Variants in ZNF532 observed in about 807,000 individuals in gnomAD.
The protein encoded by ZNF532 is zinc finger protein 532.
A neutral mutation model predicts 89.3 loss-of-function variants in ZNF532; 22 were observed. The observed-to-expected ratio is 0.25, with a 90% CI of 0.18 to 0.35. ZNF532 has a LOEUF of 0.35. Among genes scored for constraint, ZNF532 ranks in the 10% least tolerant of loss-of-function variants. The pLI is 1.00. For synonymous variants in ZNF532, 606 were observed against 649.6 expected, an observed-to-expected ratio of 0.93 and a Z score of 1.02; for missense variants, 1,132 against 1,643.4, an observed-to-expected ratio of 0.69 and a Z score of 5.38.
intron 8 of ZNF532, 130 bp from the exon 9 acceptor site, chr18:58,981,340 A>G: frequency 8.3e-7 from 1 of 1,210,006 alleles, no homozygotes; most frequent in Non-Finnish European, 1.2e-6. Context: ...GTGTTGAACC[A>G]TGGTGTGAAC....
chr18:58,888,902 TA>T (rs2058689322), intron 2 of ZNF532, among the ~76,000 whole-genome samples: 1 of 79,396 alleles, frequency 1.3e-5, no homozygotes, highest in Non-Finnish European at 2.4e-5. Flanking sequence ...TATATATATA[TA>T]TATATATATA....
chr18:58,983,569 C>G (rs538484527), intron 9 of ZNF532, among the ~76,000 whole-genome samples: 2 of 151,904 alleles, frequency 1.3e-5, no homozygotes, highest in African/African-American at 4.9e-5. Flanking sequence ...TGTCCCTGAC[C>G]GTACCACATC....
At chr18:58,917,192 A>G (rs1432324956) in intron 2 of ZNF532, among the ~76,000 whole-genome samples, 1 of 152,104 alleles carries the variant, frequency 6.6e-6, no homozygotes, top group Admixed American at 6.5e-5. Flanking sequence ...GAACAGATCC[A>G]AGAGATCCCC....
At chr18:58,894,054 G>A (rs1443990342) in intron 2 of ZNF532, among the ~76,000 whole-genome samples, 1 of 152,174 alleles carries the variant, frequency 6.6e-6, no homozygotes, top group African/African-American at 2.4e-5. Flanking sequence ...TTTCCGTGTT[G>A]GAGTAACTTT....
chr18:58,980,154 G>T (rs145244784), intron 8 of ZNF532: 1 of 152,220 alleles, frequency 6.6e-6, no homozygotes, highest in Non-Finnish European at 1.5e-5. Context: ...TGTCAGATTC[G>T]CAGGGGGTTA....
chr18:58,953,806 A>G lies in ZNF532; in HGVS notation c.3150+7A>G. 3 of 1,609,468 alleles carry G rather than the reference A, an allele frequency of 1.9e-6. No individual in the cohort carries two copies. Among genetic ancestry groups the G allele is most frequent in the Non-Finnish European group, 2.5e-6 (3 of 1,176,898 alleles). On this transcript the variant is annotated splice_region_variant and intron_variant, in intron 7 of 9. Coordinates refer to ENST00000591808, the MANE Select transcript of ZNF532 (RefSeq NM_001375912.1). ...GAGGAAGGAGCACGGGAAGGTCAGT[A>G]AAGAATGAAAGCTGCTCTGGGTGAG...
In ZNF532 at chr18:58,937,651, G is replaced by A. The variant is rs78044268; in HGVS notation, c.2529-1794G>A. 9.0e-3 allele frequency among the ~76,000 whole-genome samples: 1,374 copies of A among 152,158 alleles called. 23 individuals carry two copies. Among genetic ancestry groups the A allele is most frequent in the Non-Finnish European group, 0.011 (729 of 68,010 alleles). On this transcript the variant is annotated intron_variant, in intron 4 of 9. Transcript: ENST00000591808. Reference sequence around the variant, plus strand: ...GGAAAATCTTCTGTTTATAGTTTATGGTGTGGTAGGTCCTTCAGTTTCATT... The same window carrying A: ...GGAAAATCTTCTGTTTATAGTTTATAGTGTGGTAGGTCCTTCAGTTTCATT...
chr18:58,888,851 AT>A (rs1568248006), intron 2 of ZNF532, among the ~76,000 whole-genome samples: 106 of 46,924 alleles, frequency 2.3e-3, no homozygotes, highest in South Asian at 3.2e-3. Flanking sequence ...TTATATATAT[AT>A]AATTTATATA....
chr18:58,977,721 G>A (rs895826544), intron 7 of ZNF532: 1 of 152,134 alleles, frequency 6.6e-6, no homozygotes, highest in Non-Finnish European at 1.5e-5. Context: ...GTGGTGGTGG[G>A]TGCTTTTAGC....
At chr18:58,892,583 G>T (rs1050350884) in intron 2 of ZNF532, among the ~76,000 whole-genome samples, 1 of 152,216 alleles carries the variant, frequency 6.6e-6, no homozygotes, top group African/African-American at 2.4e-5. Context: ...CAAAGAGCAC[G>T]TAATACCCAT....
At chr18:58,896,142 C>T (rs138124325) in intron 2 of ZNF532, among the ~76,000 whole-genome samples, 366 of 152,288 alleles carry the variant, frequency 2.4e-3, no homozygotes, top group Middle Eastern at 6.8e-3. Context: ...CGTCACCCAG[C>T]CAGATCCTTG....
chr18:58,952,951 G>A (rs549497988), intron 6 of ZNF532, among the ~76,000 whole-genome samples: 1 of 152,190 alleles, frequency 6.6e-6, no homozygotes, highest in Non-Finnish European at 1.5e-5. Context: ...GATGGGTCGG[G>A]ATAGGATGTA....
upstream of ZNF532, chr18:58,863,641 G>GCAGCCA (rs1555697386): frequency 2.6e-5 from 4 of 155,878 alleles, no homozygotes; most frequent in African/African-American, 9.7e-5. Flanking sequence ...GACGACAGCA[G>GCAGCCA]CAGCAGCCAC....
At chr18:58,958,236 TA>T (rs1213984807) in intron 7 of ZNF532, among the ~76,000 whole-genome samples, 3 of 152,162 alleles carry the variant, frequency 2.0e-5, no homozygotes, top group African/African-American at 2.4e-5. Context: ...TCAAATACTT[TA>T]AAAAAATATT....
At chr18:58,868,956 T>G (rs1022538371) in intron 2 of ZNF532, among the ~76,000 whole-genome samples, 14 of 152,344 alleles carry the variant, frequency 9.2e-5, no homozygotes, top group South Asian at 2.1e-4. Context: ...CCATTGCTCC[T>G]AGGTTGTAAA....
At position 58,984,090 on chromosome 18, in the gene ZNF532, C is replaced by T. The variant is rs1203608287; in HGVS notation, c.3530C>T (p.Ala1177Val). Reference sequence around the variant, plus strand: ...AATGTTTTTAAGGTTCACAAGTGTGCCGTGTGTGGCTTCACCACCGAAAAC... The same window carrying T: ...AATGTTTTTAAGGTTCACAAGTGTGTCGTGTGTGGCTTCACCACCGAAAAC... ...KINVFKVHKC[A>V]VCGFTTENLL... The change falls in exon 10 of 10, where the codon GCC becomes GTC. Residue 1177 changes from alanine (A) to valine (V), a missense_variant. Transcript: ENST00000591808. 1.2e-6 allele frequency: 2 copies of T among 1,611,706 alleles called. No individual in the cohort carries two copies. The highest frequency in any genetic ancestry group is 1.7e-6 in the Non-Finnish European group (2 of 1,179,834).
intron 7 of ZNF532, among the ~76,000 whole-genome samples, chr18:58,962,202 G>T (rs2065418512): frequency 6.6e-6 from 1 of 151,708 alleles, no homozygotes; most frequent in South Asian, 2.1e-4. Context: ...CTCCAGCCTG[G>T]ATGACAGAGC....
chr18:58,946,291 G>GT (rs58395180), intron 5 of ZNF532, among the ~76,000 whole-genome samples: 6,910 of 116,500 alleles, frequency 0.059, 308 homozygotes, highest in Non-Finnish European at 0.086. Context: ...TCTTCATATA[G>GT]TTTTTTTTTT....
At position 58,939,556 on chromosome 18, in the gene ZNF532, G is replaced by A; in HGVS notation, c.2640G>A (p.Lys880=). Residue 880 remains lysine (K), a synonymous_variant, in exon 5 of 10, where the codon AAG becomes AAA. Transcript: ENST00000591808. ...YKCPICPMAF[K]SAPSTHSHAY... ...GTCCTATTTGTCCAATGGCGTTTAA[G>A]TCTGCCCCAAGCACACATTCCCACG... The A allele has an allele frequency of 6.2e-7, 1 of 1,614,104 alleles. No homozygotes were observed. The highest frequency in any genetic ancestry group is 8.5e-7 in the Non-Finnish European group (1 of 1,180,024).
Sources: gnomAD v4.1 joint callset for allele counts (sites outside exome capture counted in the v4.1 genomes callset) on GRCh38, gnomAD v4.1.1 for gene constraint, MANE v1.5 for transcripts, NCBI Gene and HGNC (gene_info 2026-07-23, HGNC 2026-07-21) for gene names.